The following ADGRB3 variants were observed in gnomAD, a reference collection of about 807,000 sequenced individuals.
The protein encoded by ADGRB3 is adhesion G protein-coupled receptor B3, also known as brain-specific angiogenesis inhibitor 3.
ADGRB3 carries 37 observed loss-of-function variants against 193.4 expected under a neutral mutation model. That is an observed-to-expected ratio of 0.19 (90% CI 0.15 to 0.25). The LOEUF is 0.25. Among genes scored for constraint, ADGRB3 ranks in the 10% least tolerant of loss-of-function variants. The probability of loss-of-function intolerance (pLI) is 1.00; values close to 1 mark genes in which losing one functional copy is unlikely to be tolerated. For missense variants in ADGRB3, 1,637 were observed against 1,852.9 expected, an observed-to-expected ratio of 0.88 and a Z score of 2.14; for synonymous variants, 690 against 644.2, an observed-to-expected ratio of 1.07 and a Z score of -1.08.
At chr6:68,770,015 C>G (rs1231067679) in intron 3 of ADGRB3, among the ~76,000 whole-genome samples, 1 of 152,104 alleles carries the variant, frequency 6.6e-6, no homozygotes. Flanking sequence ...TTGAATTACT[C>G]TGGCTATCTT....
intron 11 of ADGRB3, among the ~76,000 whole-genome samples, chr6:69,005,629 T>G (rs3799003): frequency 0.71 from 108,451 of 151,948 alleles, 40,758 homozygotes; most frequent in African/African-American, 0.86. Flanking sequence ...AGTATTAGGA[T>G]ATATTAGTTT....
intron 20 of ADGRB3, among the ~76,000 whole-genome samples, chr6:69,251,289 T>C (rs1185300320): frequency 1.3e-5 from 2 of 152,190 alleles, no homozygotes; most frequent in Non-Finnish European, 2.9e-5. Context: ...ACAATCGTCT[T>C]AGAAAAGCTT....
intron 3 of ADGRB3, among the ~76,000 whole-genome samples, chr6:68,882,211 C>T (rs1299578874): frequency 1.3e-5 from 2 of 152,136 alleles, no homozygotes; most frequent in African/African-American, 4.8e-5. Flanking sequence ...TCAGTAATTG[C>T]TCTATTACAA....
At chr6:69,375,494 G>A (rs371144826) in intron 30 of ADGRB3, among the ~76,000 whole-genome samples, 2 of 152,034 alleles carry the variant, frequency 1.3e-5, no homozygotes, top group African/African-American at 4.8e-5. Context: ...CTTCAGTTCT[G>A]AGCCTGAGTT....
intron 17 of ADGRB3, among the ~76,000 whole-genome samples, chr6:69,225,513 G>A (rs557492634): frequency 1.3e-5 from 2 of 152,294 alleles, no homozygotes; most frequent in South Asian, 4.1e-4. Context: ...TCATACTTGA[G>A]CTCAATTCCT....
rs565569759 is a variant in ADGRB3 at position 68,797,388 on chromosome 6, G to A, written c.758-133171G>A. ...TCTCAGCAGGTAAAGAATGGAGACAGGATAAGGCATTTGAAGCCAAAAAAA... is the reference window on the plus strand; with the variant it reads ...TCTCAGCAGGTAAAGAATGGAGACAAGATAAGGCATTTGAAGCCAAAAAAA... On this transcript the variant is annotated intron_variant, in intron 3 of 31. Transcript: ENST00000370598. Among the ~76,000 whole-genome samples, 113 of 151,942 alleles carry A rather than the reference G, an allele frequency of 7.4e-4. 1 individual carries two copies. The highest frequency in any genetic ancestry group is 4.3e-3 in the Admixed American group (66 of 15,234).
At chr6:68,853,272 C>T (rs964378866) in intron 3 of ADGRB3, among the ~76,000 whole-genome samples, 28 of 151,874 alleles carry the variant, frequency 1.8e-4, no homozygotes, top group African/African-American at 5.8e-4. Context: ...AAGAAAAATG[C>T]ATTCAGAAAA....
At chr6:68,690,130 G>T (rs1355034543) in intron 3 of ADGRB3, among the ~76,000 whole-genome samples, 1 of 152,136 alleles carries the variant, frequency 6.6e-6, no homozygotes, top group Non-Finnish European at 1.5e-5. Flanking sequence ...AAGTAGGGTT[G>T]TCTGCTTTCC....
At chr6:69,264,455 T>C (rs1766994216) in intron 20 of ADGRB3, among the ~76,000 whole-genome samples, 1 of 151,948 alleles carries the variant, frequency 6.6e-6, no homozygotes, top group Non-Finnish European at 1.5e-5. Flanking sequence ...TTTTTTTTTC[T>C]ATTCTTCTTT....
rs996714253 is a variant in ADGRB3 at position 68,787,788 on chromosome 6, C to CT, written c.758-142764dup. ...GGCTGTGAATCCATCTGGTCCTGGACTTTTTTTGGTTGGTAAGCTATTGAT... is the reference window on the plus strand; with the variant it reads ...GGCTGTGAATCCATCTGGTCCTGGACTTTTTTTTGGTTGGTAAGCTATTGAT... On this transcript the variant is annotated intron_variant, in intron 3 of 31. Coordinates refer to ENST00000370598, the MANE Select transcript of ADGRB3 (RefSeq NM_001704.3). Among the ~76,000 whole-genome samples, 151 of 152,080 alleles carry CT rather than the reference C, an allele frequency of 9.9e-4. 1 individual carries two copies. In the Middle Eastern group the frequency reaches 0.01, roughly 10 times the overall value.
intron 17 of ADGRB3, among the ~76,000 whole-genome samples, chr6:69,216,992 T>C (rs2127245316): frequency 6.6e-6 from 1 of 152,268 alleles, no homozygotes; most frequent in East Asian, 1.9e-4. Context: ...AAGGGGCTTA[T>C]TGAGGAAAAA....
chr6:69,215,508 C>A (rs1765757050), intron 17 of ADGRB3, among the ~76,000 whole-genome samples: 1 of 151,090 alleles, frequency 6.6e-6, no homozygotes, highest in African/African-American at 2.4e-5. Flanking sequence ...AGATATATCT[C>A]TATAGATAAT....
Position 69,049,345 on chromosome 6 carries a change from A to C in ADGRB3, c.2332A>C (p.Arg778=). 1 of 1,597,860 alleles carries C rather than the reference A, an allele frequency of 6.3e-7. No individual in the cohort carries two copies. Among genetic ancestry groups the C allele is most frequent in the East Asian group, 2.2e-5 (1 of 44,474 alleles). ...CTTAGATCTAATTTTGCCCACTTTG[A>C]GGTAAGCTACAAAGTAATAAACTGT... The part of the protein sequence containing the change: ...KNLDLILPTL[R]NYTVINSKII... The change falls in exon 15 of 32, where the codon AGA becomes CGA. Residue 778 remains arginine (R), a splice_region_variant and synonymous_variant. Coordinates refer to ENST00000370598, the MANE Select transcript of ADGRB3 (RefSeq NM_001704.3).
chr6:68,823,245 A>G (rs1178137160), intron 3 of ADGRB3, among the ~76,000 whole-genome samples: 1 of 152,018 alleles, frequency 6.6e-6, no homozygotes, highest in African/African-American at 2.4e-5. Flanking sequence ...CACTTGTCAT[A>G]CTTTTCTGTA....
At chr6:69,293,267 A>G (rs1031162703) in intron 20 of ADGRB3, among the ~76,000 whole-genome samples, 1 of 152,076 alleles carries the variant, frequency 6.6e-6, no homozygotes, top group East Asian at 1.9e-4. Context: ...GGAATCCATG[A>G]GACAAACACC....
intron 6 of ADGRB3, among the ~76,000 whole-genome samples, chr6:68,946,751 A>C (rs1767785584): frequency 6.6e-6 from 1 of 152,048 alleles, no homozygotes; most frequent in Admixed American, 6.6e-5. Flanking sequence ...GGGCAGTGAC[A>C]TTTTTGTGTG....
At chr6:68,718,999 C>A (rs911068785) in intron 3 of ADGRB3, among the ~76,000 whole-genome samples, 3 of 151,746 alleles carry the variant, frequency 2.0e-5, no homozygotes, top group Non-Finnish European at 2.9e-5. Context: ...TTGCTAGCCT[C>A]TGAACTAAAA....
chr6:69,379,231 A>T (rs1769895445), intron 30 of ADGRB3, among the ~76,000 whole-genome samples: 1 of 152,058 alleles, frequency 6.6e-6, no homozygotes, highest in Admixed American at 6.6e-5. Context: ...AAATCCACAG[A>T]TTAGAATTTT....
At chr6:68,947,620 T>C (rs987308346) in intron 6 of ADGRB3, among the ~76,000 whole-genome samples, 6 of 152,140 alleles carry the variant, frequency 3.9e-5, no homozygotes, top group Non-Finnish European at 7.4e-5. Flanking sequence ...AGAACACATA[T>C]TTAAATTTAG....
Sources: gnomAD v4.1 joint callset for allele counts (sites outside exome capture counted in the v4.1 genomes callset) on GRCh38, gnomAD v4.1.1 for gene constraint, MANE v1.5 for transcripts, NCBI Gene and HGNC (gene_info 2026-07-23, HGNC 2026-07-21) for gene names.